Variants in RPS6KC1 observed in about 807,000 individuals in gnomAD.
RPS6KC1 encodes the protein inactive ribosomal protein S6 kinase delta-1.
Under a neutral mutation model 103.8 loss-of-function variants are expected in RPS6KC1, and 54 were observed. That is an observed-to-expected ratio of 0.52 (90% CI 0.42 to 0.65). The LOEUF is 0.65. Ranked by LOEUF, RPS6KC1 falls within the 30% of genes least tolerant of loss-of-function variation. The pLI is 0.00. For synonymous variants in RPS6KC1, 439 were observed against 438.7 expected (o/e 1.00, Z -0.01); for missense variants, 1,151 against 1,253.8 (o/e 0.92, Z 1.24).
At chr1:213,475,592 C>A in the RPS6KC1 span, among the ~76,000 whole-genome samples, 1 of 152,118 alleles carries the variant, frequency 6.6e-6, no homozygotes, top group Non-Finnish European at 1.5e-5. Flanking sequence ...AGGAGTGCCC[C>A]TCCCACCCCA....
chr1:213,447,667 A>G, the RPS6KC1 span, among the ~76,000 whole-genome samples: 1 of 152,168 alleles, frequency 6.6e-6, no homozygotes, highest in African/African-American at 2.4e-5. Flanking sequence ...AAAGAATTGC[A>G]TCCTAATCAA....
the RPS6KC1 span, among the ~76,000 whole-genome samples, chr1:213,441,729 A>C: frequency 2.0e-5 from 3 of 152,184 alleles, no homozygotes; most frequent in Non-Finnish European, 4.4e-5. Flanking sequence ...GTCAAAGGGA[A>C]CCAAATCTCA....
At chr1:213,846,112 G>GAAACCCCGTCTCAACTAAAAAAAAAA in the RPS6KC1 span, among the ~76,000 whole-genome samples, 1 of 145,938 alleles carries the variant, frequency 6.9e-6, no homozygotes, top group South Asian at 2.2e-4. Context: ...CCAACATGGT[G>GAAACCCCGTCTCAACTAAAAAAAAAA]AAACCCCGTC....
the RPS6KC1 span, among the ~76,000 whole-genome samples, chr1:213,856,138 G>A: frequency 5.8e-3 from 876 of 152,214 alleles, 8 homozygotes; most frequent in African/African-American, 0.019. Context: ...AAACACTGTC[G>A]TCAGTCTTTT....
At chr1:213,242,806 T>A (rs951718001) in intron 12 of RPS6KC1, 148 bp downstream of exon 12, 6 of 601,550 alleles carry the variant, frequency 1.0e-5, no homozygotes, top group Non-Finnish European at 1.8e-5. Context: ...AAAAGAAAAT[T>A]TGGGGCTAAA....
chr1:213,819,749 G>A, the RPS6KC1 span: 1 of 152,216 alleles, frequency 6.6e-6, no homozygotes, highest in African/African-American at 2.4e-5. Context: ...CTGTTGTCAT[G>A]AATATTACTG....
the RPS6KC1 span, among the ~76,000 whole-genome samples, chr1:213,827,923 A>G: frequency 6.6e-6 from 1 of 152,160 alleles, no homozygotes; most frequent in African/African-American, 2.4e-5. Context: ...GCCTCCCACC[A>G]TGACCTGCCA....
At chr1:213,674,459 G>C in the RPS6KC1 span, among the ~76,000 whole-genome samples, 11 of 152,334 alleles carry the variant, frequency 7.2e-5, no homozygotes, top group South Asian at 2.3e-3. Context: ...TGTTGATGCA[G>C]AGGACATGAT....
chr1:213,103,666 A>G (rs1191163565), intron 3 of RPS6KC1, among the ~76,000 whole-genome samples: 27 of 152,304 alleles, frequency 1.8e-4, no homozygotes, highest in Admixed American at 1.5e-3. Context: ...ATACTCTGCA[A>G]AGGCACTTAA....
the RPS6KC1 span, among the ~76,000 whole-genome samples, chr1:213,717,232 CAG>C: frequency 2.2e-4 from 33 of 152,292 alleles, no homozygotes; most frequent in Non-Finnish European, 4.6e-4. Flanking sequence ...TGCAAGGAAA[CAG>C]AAAGATAAAT....
the RPS6KC1 span, among the ~76,000 whole-genome samples, chr1:213,320,147 A>C: frequency 6.6e-6 from 1 of 152,176 alleles, no homozygotes; most frequent in Non-Finnish European, 1.5e-5. Context: ...ACCAGAGCTA[A>C]CCTGGTTGAA....
chr1:213,266,441 T>C (rs61832498), intron 14 of RPS6KC1, among the ~76,000 whole-genome samples: 5,132 of 152,298 alleles, frequency 0.034, 117 homozygotes, highest in Middle Eastern at 0.054. Context: ...AAAAAAAATA[T>C]GTACTGTGAG....
At chr1:213,069,949 G>T (rs1021616009) in intron 1 of RPS6KC1, among the ~76,000 whole-genome samples, 7 of 152,182 alleles carry the variant, frequency 4.6e-5, no homozygotes, top group African/African-American at 1.4e-4. Flanking sequence ...TTTACCTGGT[G>T]TTAGACTTTT....
At chr1:213,577,482 A>G in the RPS6KC1 span, among the ~76,000 whole-genome samples, 55 of 152,374 alleles carry the variant, frequency 3.6e-4, 1 homozygote, top group Admixed American at 3.1e-3. Flanking sequence ...GGTAACAGGC[A>G]GAGGTTGGAA....
chr1:213,713,292 C>T, the RPS6KC1 span, among the ~76,000 whole-genome samples: 3 of 152,160 alleles, frequency 2.0e-5, no homozygotes, highest in African/African-American at 4.8e-5. Flanking sequence ...CTGAGTTCGG[C>T]CAGCTCATAT....
the RPS6KC1 span, among the ~76,000 whole-genome samples, chr1:213,734,445 A>G: frequency 1.6e-5 from 1 of 61,158 alleles, no homozygotes; most frequent in East Asian, 8.2e-4. Flanking sequence ...CCTCCCGCCA[A>G]AAAATTAGGG....
chr1:213,577,297 C>A, the RPS6KC1 span, among the ~76,000 whole-genome samples: 1 of 152,186 alleles, frequency 6.6e-6, no homozygotes, highest in African/African-American at 2.4e-5. Context: ...ATTGTGAGAC[C>A]TCCCCAAGCC....
the RPS6KC1 span, among the ~76,000 whole-genome samples, chr1:213,844,003 A>T: frequency 8.1e-6 from 1 of 122,826 alleles, no homozygotes; most frequent in African/African-American, 5.1e-5. Flanking sequence ...GCTAGGGGGA[A>T]AAAAAAAAAG....
the RPS6KC1 span, among the ~76,000 whole-genome samples, chr1:213,543,641 T>C: frequency 6.6e-6 from 1 of 152,372 alleles, no homozygotes; most frequent in South Asian, 2.1e-4. Context: ...TTAAAAAGTG[T>C]AGCAGAAGAG....
Sources: gnomAD v4.1 joint callset for allele counts (sites outside exome capture counted in the v4.1 genomes callset) on GRCh38, gnomAD v4.1.1 for gene constraint, MANE v1.5 for transcripts, NCBI Gene and HGNC (gene_info 2026-07-23, HGNC 2026-07-21) for gene names.